Variants in RUNX1T1 observed in about 807,000 individuals in gnomAD.
RUNX1T1 encodes RUNX1 partner transcriptional co-repressor 1, also known as protein CBFA2T1.
In RUNX1T1, 4 loss-of-function variants were observed where a neutral mutation model predicts 62.8. That is an observed-to-expected ratio of 0.06 (90% CI 0.03 to 0.15). RUNX1T1 has a LOEUF of 0.15. Ranked by LOEUF, RUNX1T1 falls within the 10% of genes least tolerant of loss-of-function variation. The probability of loss-of-function intolerance (pLI) is 1.00; values close to 1 mark genes in which losing one functional copy is unlikely to be tolerated. For missense variants in RUNX1T1, 508 were observed against 754.3 expected, an observed-to-expected ratio of 0.67 and a Z score of 3.82; for synonymous variants, 291 against 286.0, an observed-to-expected ratio of 1.02 and a Z score of -0.18.
At chr8:91,976,803 T>G (rs145656035) in intron 8 of RUNX1T1, among the ~76,000 whole-genome samples, 133 of 152,346 alleles carry the variant, frequency 8.7e-4, no homozygotes, top group Non-Finnish European at 1.7e-3. Context: ...ATAGCTAAAA[T>G]ATGCATTTCA....
At chr8:92,034,761 CAT>C (rs1491125969) in intron 1 of RUNX1T1, among the ~76,000 whole-genome samples, 9 of 141,742 alleles carry the variant, frequency 6.3e-5, no homozygotes, top group African/African-American at 2.3e-4. Context: ...TATATACACA[CAT>C]ATACATATAT....
intron 8 of RUNX1T1, among the ~76,000 whole-genome samples, chr8:91,978,179 C>T (rs1814400826): frequency 6.6e-6 from 1 of 152,096 alleles, no homozygotes; most frequent in African/African-American, 2.4e-5. Context: ...ATGCTAATTA[C>T]CAGCCCCAGG....
At position 91,970,832 on chromosome 8, in the gene RUNX1T1, C is replaced by A; in HGVS notation, c.1284G>T (p.Glu428Asp). 3.7e-6 allele frequency: 6 copies of A among 1,609,454 alleles called. No individual in the cohort carries two copies. In the South Asian group the frequency reaches 4.4e-5, roughly 12 times the overall value. The change falls in exon 10 of 11, where the codon GAG becomes GAT. Residue 428 changes from glutamate to aspartate, a missense_variant. By Grantham distance (45) the Glu-to-Asp change is conservative. Around this residue, in one of 7 missense-constraint regions of RUNX1T1, gnomAD observed 70 missense variants for 169.6 expected, o/e 0.41. Coordinates refer to ENST00000396218, the Ensembl canonical transcript of RUNX1T1. The stretch of plus-strand genomic sequence containing the variant: ...GCTCCGTCATCGCCTGGCGCTTCAC[C>A]TCATTGACGGCCTCCTCTGTGTGCC...
chr8:91,976,409 TTCAA>T (rs1813954297), intron 8 of RUNX1T1, among the ~76,000 whole-genome samples: 1 of 152,244 alleles, frequency 6.6e-6, no homozygotes, highest in Non-Finnish European at 1.5e-5. Context: ...TCTGCCACCT[TTCAA>T]TGAATAGCAA....
intron 4 of RUNX1T1, chr8:92,010,400 G>A (rs1391080640): frequency 6.6e-6 from 1 of 152,240 alleles, no homozygotes; most frequent in Non-Finnish European, 1.5e-5. Flanking sequence ...CCGCTATGCT[G>A]AATAAAAATG....
At chr8:91,983,912 C>T (rs1026619864) in intron 8 of RUNX1T1, among the ~76,000 whole-genome samples, 10 of 152,172 alleles carry the variant, frequency 6.6e-5, no homozygotes, top group African/African-American at 2.4e-4. Context: ...TGTAAAAGCA[C>T]TACTGGATGC....
intron 1 of RUNX1T1, among the ~76,000 whole-genome samples, chr8:92,079,278 C>A (rs1479654670): frequency 6.6e-6 from 1 of 152,128 alleles, no homozygotes. Context: ...TTTACATGAA[C>A]AAATGTACAC....
At chr8:92,004,985 G>A in intron 5 of RUNX1T1, 131 bp downstream of exon 6, 1 of 746,478 alleles carries the variant, frequency 1.3e-6, no homozygotes, top group African/African-American at 1.8e-5. Context: ...TTCTCAAGAT[G>A]GCCACAATGG....
At chr8:92,033,931 C>A (rs745757770) in intron 1 of RUNX1T1, among the ~76,000 whole-genome samples, 1 of 151,480 alleles carries the variant, frequency 6.6e-6, no homozygotes, top group African/African-American at 2.4e-5. Flanking sequence ...ACTGCACCAC[C>A]GCACTCCAGC....
intron 1 of RUNX1T1, chr8:92,094,934 TAA>T: frequency 1.1e-6 from 1 of 886,962 alleles, no homozygotes; most frequent in Admixed American, 2.5e-5. Context: ...AGTCAATAAA[TAA>T]TCTATTGTTC....
chr8:92,023,347 TACAAAC>T (rs1824487982), intron 1 of RUNX1T1, among the ~76,000 whole-genome samples: 1 of 152,170 alleles, frequency 6.6e-6, no homozygotes, highest in Non-Finnish European at 1.5e-5. Context: ...TTATGATCAT[TACAAAC>T]ACAAAGATGA....
intron 1 of RUNX1T1, among the ~76,000 whole-genome samples, chr8:92,051,681 C>T (rs1038962699): frequency 6.6e-5 from 10 of 151,734 alleles, no homozygotes; most frequent in African/African-American, 1.9e-4. Flanking sequence ...AGTTCAGACG[C>T]GGCTTGGAAG....
intron 8 of RUNX1T1, among the ~76,000 whole-genome samples, chr8:91,977,813 G>A (rs893859542): frequency 8.6e-5 from 13 of 151,502 alleles, no homozygotes; most frequent in South Asian, 2.1e-4. Context: ...TTTTTGAGAC[G>A]GAGTCATGCT....
intron 2 of RUNX1T1, among the ~76,000 whole-genome samples, chr8:92,016,535 C>T (rs1253957315): frequency 6.6e-6 from 1 of 152,052 alleles, no homozygotes. Context: ...ATTAGCTGGG[C>T]TCAGTGGCGC....
chr8:92,093,934 G>A (rs1363234810), intron 1 of RUNX1T1, among the ~76,000 whole-genome samples: 1 of 152,178 alleles, frequency 6.6e-6, no homozygotes, highest in Non-Finnish European at 1.5e-5. Flanking sequence ...CCTAAGACAT[G>A]CTATCTGCTA....
rs192242256 is a variant in RUNX1T1 at position 91,985,806 on chromosome 8, A to C, written c.1198+318T>G. On this transcript the variant is annotated intron_variant, in intron 8 of 10. Transcript: ENST00000396218. Reference sequence around the variant, plus strand: ...GCCTAAGCCCCAGGCCCACTCCCTGAGATTGTTTTTGCTGTTTTGAGGCAT... The same window carrying C: ...GCCTAAGCCCCAGGCCCACTCCCTGCGATTGTTTTTGCTGTTTTGAGGCAT... Among the ~76,000 whole-genome samples, 213 of 152,202 alleles carry C rather than the reference A, an allele frequency of 1.4e-3. 4 individuals are homozygous for C. The highest frequency in any genetic ancestry group is 4.7e-3 in the African/African-American group (195 of 41,522).
At chr8:92,073,200 C>G (rs1223619653) in intron 2 of RUNX1T1, among the ~76,000 whole-genome samples, 1 of 152,174 alleles carries the variant, frequency 6.6e-6, no homozygotes, top group East Asian at 1.9e-4. Context: ...CTGGTCCCTA[C>G]AATGGCAGGC....
At chr8:91,968,752 T>A (rs975561011) in intron 10 of RUNX1T1, among the ~76,000 whole-genome samples, 3 of 152,196 alleles carry the variant, frequency 2.0e-5, no homozygotes, top group Non-Finnish European at 4.4e-5. Flanking sequence ...GAAAGCATGC[T>A]GTGAGATCCT....
In RUNX1T1 at chr8:92,068,146, A is replaced by G. The variant is rs559839096; in HGVS notation, c.88+7819T>C. ...AAGCATTTCCCATAAAACAATTCCT[A>G]AAAACTATACATTTGCAATGTAAAT... On this transcript the variant is annotated intron_variant, in intron 2 of 11. Transcript: ENST00000265814. Among the ~76,000 whole-genome samples the G allele has an allele frequency of 2.0e-5, 3 of 152,284 alleles. No homozygotes were observed. The South Asian group carries it at 6.2e-4, about 32-fold the overall frequency.
Sources: allele counts gnomAD v4.1 joint callset (sites outside exome capture counted in the v4.1 genomes callset), GRCh38; gene constraint gnomAD v4.1.1; regional missense constraint gnomAD v4.1.1; transcripts MANE v1.5; gene names NCBI Gene and HGNC (gene_info 2026-07-23, HGNC 2026-07-21).